Variants in TFAP2D observed in about 807,000 individuals in gnomAD.
The protein encoded by TFAP2D is transcription factor AP-2 delta, also known as transcription factor AP-2-delta.
TFAP2D carries 9 observed loss-of-function variants against 43.6 expected under a neutral mutation model. The observed-to-expected ratio is 0.21, with a 90% CI of 0.12 to 0.36. The LOEUF (loss-of-function observed/expected upper bound fraction) is 0.36, where lower values mean the gene tolerates loss of function less well. TFAP2D is among the 10% of genes least tolerant of loss of function. The pLI is 1.00. For missense variants in TFAP2D, 513 were observed against 561.4 expected (o/e 0.91, Z 0.87); for synonymous variants, 256 against 224.9 (o/e 1.14, Z -1.24).
At position 50,714,084 on chromosome 6, in the gene TFAP2D, A is replaced by G. The variant is rs763126137; in HGVS notation, c.29A>G (p.His10Arg). Residue 10 changes from histidine (H) to arginine (R), a missense_variant, in exon 1 of 8, where the codon CAC becomes CGC. Physicochemically the swap from His to Arg is conservative, Grantham distance 29 (BLOSUM62 0). This residue lies in a region of TFAP2D where 311 missense variants were observed against 316.2 expected (regional missense o/e 0.98). Transcript: ENST00000008391. MSTTFPGLV[H>R]DAEIRHDGSN... ...TCAACTACCTTTCCGGGACTAGTCC[A>G]CGATGCCGAGGTATTATTACTTTTT... 1 of 1,608,112 alleles carries G rather than the reference A, an allele frequency of 6.2e-7. No homozygotes were observed. Among genetic ancestry groups the G allele is most frequent in the Admixed American group, 1.7e-5 (1 of 59,384 alleles).
At position 50,747,965 on chromosome 6, in the gene TFAP2D, TC is replaced by T. The variant is rs556257838; in HGVS notation, c.1025+2718del. ...CTGCACATTTGCAGACCATTAAATG[TC>T]AAGCAAGAATTGAATCCACTCATTT... On this transcript the variant is annotated intron_variant, in intron 6 of 7. Transcript: ENST00000008391. Among the ~76,000 whole-genome samples the T allele has an allele frequency of 4.1e-3, 627 of 152,196 alleles. 3 individuals carry two copies. Among genetic ancestry groups the T allele is most frequent in the Non-Finnish European group, 6.0e-3 (405 of 67,950 alleles).
At chr6:50,720,127 A>G (rs1768695210) in intron 3 of TFAP2D, among the ~76,000 whole-genome samples, 1 of 152,212 alleles carries the variant, frequency 6.6e-6, no homozygotes, top group Non-Finnish European at 1.5e-5. Flanking sequence ...CTATTCACCA[A>G]GACTAATTCC....
At chr6:50,751,622 G>C (rs1332577946) in intron 7 of TFAP2D, among the ~76,000 whole-genome samples, 1 of 151,848 alleles carries the variant, frequency 6.6e-6, no homozygotes, top group Non-Finnish European at 1.5e-5. Context: ...TGATGAAAGG[G>C]CCAAACAAGA....
intron 7 of TFAP2D, among the ~76,000 whole-genome samples, chr6:50,765,495 G>T (rs1450891081): frequency 6.6e-6 from 1 of 152,096 alleles, no homozygotes; most frequent in Non-Finnish European, 1.5e-5. Context: ...AGTGTGCAGG[G>T]TTAACTTTTA....
In TFAP2D at chr6:50,715,560, C is replaced by T. The variant is rs1561929711; in HGVS notation, c.484C>T (p.Leu162Phe). 3.1e-6 allele frequency: 5 copies of T among 1,609,252 alleles called. No individual in the cohort carries two copies. The highest frequency in any genetic ancestry group is 3.4e-6 in the Non-Finnish European group (4 of 1,178,562). ...GTATGGAATGCACCCAGATCAAAGA[C>T]TCCTGCCAGGGCCCAGCCTGGGGCT... ...SQYGMHPDQR[L>F]LPGPSLGLAA... The change falls in exon 2 of 8, where the codon CTC becomes TTC. Residue 162 changes from leucine (L) to phenylalanine (F), a missense_variant. Around this residue, in one of 3 missense-constraint regions of TFAP2D, gnomAD observed 311 missense variants for 316.2 expected, o/e 0.98. Transcript: ENST00000008391.
chr6:50,735,280 T>G (rs1768946435), intron 5 of TFAP2D, among the ~76,000 whole-genome samples: 1 of 152,140 alleles, frequency 6.6e-6, no homozygotes, highest in African/African-American at 2.4e-5. Flanking sequence ...TTTGGATTTG[T>G]GTTTGTGGCA....
chr6:50,757,849 A>G (rs1769311667), intron 7 of TFAP2D, among the ~76,000 whole-genome samples: 1 of 136,434 alleles, frequency 7.3e-6, no homozygotes, highest in Non-Finnish European at 1.5e-5. Flanking sequence ...AAATATATAA[A>G]CTTATAATAT....
At chr6:50,748,941 T>C in intron 6 of TFAP2D, among the ~76,000 whole-genome samples, 1 of 151,852 alleles carries the variant, frequency 6.6e-6, no homozygotes, top group East Asian at 1.9e-4. Flanking sequence ...CATCTTGTGT[T>C]ACATAATTCA....
chr6:50,723,681 G>A (rs1024304797), intron 3 of TFAP2D, among the ~76,000 whole-genome samples: 4 of 152,130 alleles, frequency 2.6e-5, no homozygotes, highest in Non-Finnish European at 5.9e-5. Context: ...TGATTTGTTG[G>A]AAATCTTTGT....
intron 7 of TFAP2D, among the ~76,000 whole-genome samples, chr6:50,769,017 G>A (rs1257527505): frequency 6.7e-6 from 1 of 149,574 alleles, no homozygotes; most frequent in African/African-American, 2.5e-5. Flanking sequence ...TCAGCCTCCT[G>A]AGTAGCTGGG....
intron 5 of TFAP2D, among the ~76,000 whole-genome samples, chr6:50,742,441 C>A (rs542298760): frequency 6.6e-6 from 1 of 152,022 alleles, no homozygotes; most frequent in South Asian, 2.1e-4. Context: ...GGTTTTAGCA[C>A]AAAATTCAAG....
rs1015446366 is a variant in TFAP2D, at chr6:50,713,882, G to A, written c.-174G>A. 4.3e-6 allele frequency: 4 copies of A among 925,644 alleles called. No homozygotes were observed. In the African/African-American group the frequency reaches 6.8e-5, roughly 16 times the overall value. 57.3% of individuals were successfully genotyped at this position (925,644 alleles called of 1,614,324 possible). ...TTTGTTCCTACAGGTTTTTAAGTGG[G>A]TACGAGGCAAGGAGCTATCTGATCC... is the stretch of plus-strand genomic sequence containing the variant. On this transcript the variant is annotated 5_prime_UTR_variant, in exon 1 of 8. Coordinates refer to ENST00000008391, the MANE Select transcript of TFAP2D (RefSeq NM_172238.4).
At chr6:50,759,067 G>A (rs142325453) in intron 7 of TFAP2D, among the ~76,000 whole-genome samples, 1 of 152,092 alleles carries the variant, frequency 6.6e-6, no homozygotes, top group African/African-American at 2.4e-5. Context: ...AACAATAGAA[G>A]CCAGAGGTAA....
intron 7 of TFAP2D, among the ~76,000 whole-genome samples, chr6:50,771,106 C>G (rs548245252): frequency 2.6e-5 from 4 of 152,288 alleles, no homozygotes; most frequent in African/African-American, 9.6e-5. Flanking sequence ...ACTACCTATG[C>G]TGAGGTTACC....
chr6:50,760,188 C>T (rs1424864786), intron 7 of TFAP2D, among the ~76,000 whole-genome samples: 1 of 151,998 alleles, frequency 6.6e-6, no homozygotes, highest in Non-Finnish European at 1.5e-5. Flanking sequence ...ATTAACATTA[C>T]ATAAAACTAA....
chr6:50,764,952 A>G (rs1208407445), intron 7 of TFAP2D, among the ~76,000 whole-genome samples: 1 of 152,186 alleles, frequency 6.6e-6, no homozygotes, highest in Non-Finnish European at 1.5e-5. Flanking sequence ...TCTCTTAATT[A>G]TATCTTGAAT....
chr6:50,747,397 C>T (rs1206425599), intron 6 of TFAP2D, among the ~76,000 whole-genome samples: 1 of 152,064 alleles, frequency 6.6e-6, no homozygotes, highest in Non-Finnish European at 1.5e-5. Flanking sequence ...TGCAGGTTTA[C>T]CAATGCACAT....
chr6:50,739,247 ATGTG>A (rs1402125530), intron 5 of TFAP2D, among the ~76,000 whole-genome samples: 2 of 151,894 alleles, frequency 1.3e-5, no homozygotes, highest in Non-Finnish European at 2.9e-5. Context: ...ACAGGCCCCA[ATGTG>A]TGATGTTCCC....
At chr6:50,722,121 G>T (rs1482198561) in intron 3 of TFAP2D, among the ~76,000 whole-genome samples, 3 of 152,204 alleles carry the variant, frequency 2.0e-5, no homozygotes, top group African/African-American at 7.2e-5. Flanking sequence ...GCGTGAAAGA[G>T]GGGGCAGCAG....
Sources: allele counts gnomAD v4.1 joint callset (sites outside exome capture counted in the v4.1 genomes callset), GRCh38; gene constraint gnomAD v4.1.1; regional missense constraint gnomAD v4.1.1; transcripts MANE v1.5; gene names NCBI Gene and HGNC (gene_info 2026-07-23, HGNC 2026-07-21).